Variants in PTGER3 observed in about 807,000 individuals in gnomAD.
The protein encoded by PTGER3 is prostaglandin E receptor 3.
A neutral mutation model predicts 34.7 loss-of-function variants in PTGER3; 22 were observed. The observed-to-expected ratio is 0.63, with a 90% CI of 0.45 to 0.91. The LOEUF is 0.91. Among genes scored for constraint, PTGER3 ranks in the 40% least tolerant of loss-of-function variants. The pLI is 0.00. For missense variants in PTGER3, 468 were observed against 519.4 expected (o/e 0.90, Z 0.96); for synonymous variants, 241 against 230.1 (o/e 1.05, Z -0.43).
chr1:70,852,920 T>G, intron 4 of PTGER3: 2 of 1,552,618 alleles, frequency 1.3e-6, no homozygotes, highest in South Asian at 2.3e-5. Context: ...ATATCTTAAA[T>G]AAAAATCAAA....
intron 1 of PTGER3, among the ~76,000 whole-genome samples, chr1:71,044,419 T>G (rs906036875): frequency 4.0e-5 from 6 of 149,604 alleles, no homozygotes; most frequent in Non-Finnish European, 7.4e-5. Context: ...CCTGGAGTTT[T>G]TTTTTTTGAG....
intron 1 of PTGER3, among the ~76,000 whole-genome samples, chr1:71,032,152 A>G (rs1213321622): frequency 6.6e-6 from 1 of 152,192 alleles, no homozygotes; most frequent in Admixed American, 6.5e-5. Flanking sequence ...AAAAATCAAG[A>G]AAGAACTTCT....
chr1:70,856,511 T>C (rs1221521857), intron 4 of PTGER3, among the ~76,000 whole-genome samples: 1 of 150,998 alleles, frequency 6.6e-6, no homozygotes, highest in Non-Finnish European at 1.5e-5. Flanking sequence ...TTTCCCCAAT[T>C]CAAGTAGGTC....
intron 2 of PTGER3, among the ~76,000 whole-genome samples, chr1:70,960,042 G>A (rs1341148130): frequency 1.3e-5 from 2 of 152,130 alleles, no homozygotes; most frequent in Non-Finnish European, 2.9e-5. Flanking sequence ...TGAACCTAAA[G>A]GCATAGATTG....
intron 4 of PTGER3, among the ~76,000 whole-genome samples, chr1:70,925,981 G>A (rs1458038418): frequency 6.6e-6 from 1 of 152,058 alleles, no homozygotes; most frequent in Non-Finnish European, 1.5e-5. Context: ...ATCCCCTGGG[G>A]CTACACAGAG....
chr1:70,885,644 T>C (rs915463229), intron 4 of PTGER3, among the ~76,000 whole-genome samples: 4 of 152,150 alleles, frequency 2.6e-5, no homozygotes, highest in Non-Finnish European at 5.9e-5. Flanking sequence ...ATTTAGAAAC[T>C]TTAATGTGTC....
chr1:70,879,517 G>T (rs1009401253), intron 4 of PTGER3, among the ~76,000 whole-genome samples: 8 of 152,042 alleles, frequency 5.3e-5, no homozygotes, highest in African/African-American at 1.7e-4. Context: ...TAAAGTGCTG[G>T]GATTATAGGG....
intron 4 of PTGER3, among the ~76,000 whole-genome samples, chr1:70,877,370 T>C (rs191298239): frequency 1.1e-4 from 16 of 152,310 alleles, no homozygotes. Flanking sequence ...CTATGGGTTT[T>C]TTCAGGTATA....
At chr1:70,994,520 C>A (rs986428562) in intron 2 of PTGER3, among the ~76,000 whole-genome samples, 10 of 151,280 alleles carry the variant, frequency 6.6e-5, no homozygotes, top group African/African-American at 2.4e-4. Flanking sequence ...TGCAGTAGTG[C>A]GATCTTGGCC....
chr1:71,025,854 G>T (rs1271214432), intron 1 of PTGER3, among the ~76,000 whole-genome samples: 3 of 152,166 alleles, frequency 2.0e-5, no homozygotes, highest in Non-Finnish European at 2.9e-5. Flanking sequence ...TCTTTGGAAA[G>T]GTTGAGGCAT....
chr1:71,006,981 C>T, intron 2 of PTGER3: 1 of 985,670 alleles, frequency 1.0e-6, no homozygotes, highest in South Asian at 4.7e-5. Context: ...TTCATACGCT[C>T]TTTTATTTTT....
intron 4 of PTGER3, among the ~76,000 whole-genome samples, chr1:70,939,102 C>CA (rs746686950): frequency 2.6e-5 from 4 of 152,160 alleles, no homozygotes; most frequent in African/African-American, 9.7e-5. Context: ...TAGATAAATA[C>CA]AGCCATTCCA....
chr1:71,008,597 A>G (rs1189844284), intron 2 of PTGER3: 13 of 984,856 alleles, frequency 1.3e-5, no homozygotes, highest in Non-Finnish European at 1.6e-5. Flanking sequence ...TGGCTCGATC[A>G]TAACCTATGT....
intron 2 of PTGER3, among the ~76,000 whole-genome samples, chr1:70,993,992 T>C (rs923206035): frequency 1.3e-5 from 2 of 152,208 alleles, no homozygotes; most frequent in African/African-American, 2.4e-5. Context: ...AGCCTCTGAC[T>C]TCATAGCTGT....
intron 2 of PTGER3, chr1:70,997,211 G>A (rs1293558278): frequency 6.6e-6 from 1 of 152,204 alleles, no homozygotes; most frequent in Non-Finnish European, 1.5e-5. Context: ...GGTGAAAGAT[G>A]CAGTGAGCAG....
At chr1:70,973,940 G>A (rs1391065682) in intron 3 of PTGER3, among the ~76,000 whole-genome samples, 3 of 152,094 alleles carry the variant, frequency 2.0e-5, no homozygotes. Flanking sequence ...GAGCCATATG[G>A]CGAACACGCT....
At chr1:70,958,144 A>G (rs890903364) in intron 2 of PTGER3, among the ~76,000 whole-genome samples, 1 of 152,176 alleles carries the variant, frequency 6.6e-6, no homozygotes, top group Non-Finnish European at 1.5e-5. Flanking sequence ...TACTGTGAAT[A>G]GCACTATAAT....
intron 4 of PTGER3, among the ~76,000 whole-genome samples, chr1:70,885,898 G>T (rs1646488287): frequency 6.6e-6 from 1 of 152,172 alleles, no homozygotes; most frequent in Non-Finnish European, 1.5e-5. Context: ...TATTCTTGCT[G>T]AACCTGATAG....
chr1:70,959,820 C>T (rs1255049616), intron 2 of PTGER3, among the ~76,000 whole-genome samples: 1 of 152,086 alleles, frequency 6.6e-6, no homozygotes, highest in Non-Finnish European at 1.5e-5. Flanking sequence ...GGTTTCCTCC[C>T]TCTATGAACC....
Sources: gnomAD v4.1 joint callset for allele counts (sites outside exome capture counted in the v4.1 genomes callset) on GRCh38, gnomAD v4.1.1 for gene constraint, MANE v1.5 for transcripts, NCBI Gene and HGNC (gene_info 2026-07-23, HGNC 2026-07-21) for gene names.